The following LEPR variants were observed in gnomAD, a reference collection of about 807,000 sequenced individuals.
LEPR encodes leptin receptor.
Under a neutral mutation model 114.7 loss-of-function variants are expected in LEPR, and 56 were observed. That is an observed-to-expected ratio of 0.49 (90% CI 0.39 to 0.61). LEPR has a LOEUF of 0.61. Ranked by LOEUF, LEPR falls within the 20% of genes least tolerant of loss-of-function variation. The pLI is 0.00. For synonymous variants in LEPR, 443 were observed against 461.4 expected, an observed-to-expected ratio of 0.96 and a Z score of 0.51; for missense variants, 1,202 against 1,352.9, an observed-to-expected ratio of 0.89 and a Z score of 1.75.
chr1:65,424,816 C>T (rs945252196), intron 1 of LEPR, among the ~76,000 whole-genome samples: 1 of 152,084 alleles, frequency 6.6e-6, no homozygotes, highest in Non-Finnish European at 1.5e-5. Flanking sequence ...CTTATAAGGG[C>T]ACTCATCCCA....
intron 10 of LEPR, among the ~76,000 whole-genome samples, chr1:65,603,030 T>C (rs1656547633): frequency 6.6e-6 from 1 of 152,206 alleles, no homozygotes; most frequent in Admixed American, 6.5e-5. Flanking sequence ...TATTAACATT[T>C]ACAGAATAAC....
At chr1:65,574,772 A>G (rs528553174) in intron 5 of LEPR, among the ~76,000 whole-genome samples, 1 of 152,376 alleles carries the variant, frequency 6.6e-6, no homozygotes, top group African/African-American at 2.4e-5. Context: ...GTTAATAAAA[A>G]AATAATATTG....
intron 2 of LEPR, among the ~76,000 whole-genome samples, chr1:65,501,708 G>T (rs1251807689): frequency 6.6e-6 from 1 of 151,776 alleles, no homozygotes; most frequent in Non-Finnish European, 1.5e-5. Context: ...GATTTCTTAG[G>T]CTCCCTTCTC....
At chr1:65,512,731 G>A (rs139370916) in intron 2 of LEPR, among the ~76,000 whole-genome samples, 6 of 152,168 alleles carry the variant, frequency 3.9e-5, no homozygotes, top group Admixed American at 6.6e-5. Context: ...CTTCTGTCCC[G>A]TGTCCCTTGC....
rs756905053 is a variant in LEPR at position 65,518,913 on chromosome 1, CTT to C, written c.-20-46631_-20-46630del. On this transcript the variant is annotated intron_variant, in intron 2 of 19. Coordinates refer to ENST00000349533, the MANE Select transcript of LEPR (RefSeq NM_002303.6). ...TCTTTCTTTCTTTCTTTCTTTCTTT[CTT>C]TCTCTCTTTCTCTGTTTCTTTCTTT... Among the ~76,000 whole-genome samples, 6 of 79,654 alleles carry C rather than the reference CTT, an allele frequency of 7.5e-5. 1 individual carries two copies. The highest frequency in any genetic ancestry group is 2.4e-4 in the African/African-American group (6 of 25,080). 52.3% of individuals were successfully genotyped at this position (79,654 alleles called of 152,430 possible).
At chr1:65,460,972 T>A (rs998963323) in intron 2 of LEPR, among the ~76,000 whole-genome samples, 2 of 149,932 alleles carry the variant, frequency 1.3e-5, no homozygotes, top group Non-Finnish European at 3.0e-5. Flanking sequence ...TTTTCTTTTC[T>A]TTCTTTTCTT....
intron 8 of LEPR, among the ~76,000 whole-genome samples, chr1:65,599,551 G>A (rs887603109): frequency 2.6e-5 from 4 of 152,024 alleles, no homozygotes; most frequent in Non-Finnish European, 5.9e-5. Flanking sequence ...GCATTGATTC[G>A]TCAAAAGGCA....
At chr1:65,544,013 G>A (rs947083064) in intron 2 of LEPR, among the ~76,000 whole-genome samples, 1 of 151,996 alleles carries the variant, frequency 6.6e-6, no homozygotes, top group African/African-American at 2.4e-5. Context: ...AAAGTCAATG[G>A]TGGCTTGATG....
In LEPR at chr1:65,539,014, CTT is replaced by C. The variant is rs758508625; in HGVS notation, c.-20-26531_-20-26530del. 1.3e-4 allele frequency among the ~76,000 whole-genome samples: 19 copies of C among 143,978 alleles called. No individual in the cohort carries two copies. In the East Asian group the frequency reaches 3.7e-3, roughly 28 times the overall value. 94.5% of individuals were successfully genotyped at this position (143,978 alleles called of 152,430 possible). A position where few individuals can be genotyped will look rare whatever the true frequency, so the allele number is the denominator to read the frequency against. ...AGTACTGTTGGTTGGATTTGGGTCT[CTT>C]GGATTTATTTTTAAGTGACTTCTTT... is the stretch of plus-strand genomic sequence containing the variant. On this transcript the variant is annotated intron_variant, in intron 2 of 19. Coordinates refer to ENST00000349533, the MANE Select transcript of LEPR (RefSeq NM_002303.6).
At chr1:65,427,766 AT>A in intron 2 of LEPR, 1 of 404,486 alleles carries the variant, frequency 2.5e-6, no homozygotes, top group Non-Finnish European at 4.9e-6. Context: ...CTTTATTTTA[AT>A]TTTTTGTTTT....
At chr1:65,619,629 C>G (rs1189402246) in intron 16 of LEPR, among the ~76,000 whole-genome samples, 1 of 152,078 alleles carries the variant, frequency 6.6e-6, no homozygotes, top group Non-Finnish European at 1.5e-5. Flanking sequence ...AAAGAAAAAG[C>G]TCATACACCC....
chr1:65,496,716 T>A (rs1320383311), intron 2 of LEPR, among the ~76,000 whole-genome samples: 2 of 152,154 alleles, frequency 1.3e-5, no homozygotes, highest in Non-Finnish European at 2.9e-5. Flanking sequence ...TCTATCACAT[T>A]CCTGACAAAT....
At chr1:65,583,748 C>G (rs1311007904) in intron 5 of LEPR, among the ~76,000 whole-genome samples, 1 of 151,650 alleles carries the variant, frequency 6.6e-6, no homozygotes, top group Non-Finnish European at 1.5e-5. Context: ...AAAATGTGAC[C>G]CATAACCAAG....
rs115453925 is a variant in LEPR, at chr1:65,457,496, C to T, written c.-21+32118C>T. Among the ~76,000 whole-genome samples, 406 of 152,220 alleles carry T rather than the reference C, an allele frequency of 2.7e-3. 3 individuals carry two copies. The highest frequency in any genetic ancestry group is 4.4e-3 in the Non-Finnish European group (301 of 68,014). On this transcript the variant is annotated intron_variant, in intron 2 of 19. Transcript: ENST00000349533. ...TCACTCTACTAATAAGCCATCAAAG[C>T]CATTCTTCATGTCTATTACATGGTT...
intron 2 of LEPR, chr1:65,434,697 C>T (rs925667026): frequency 1.0e-6 from 1 of 985,264 alleles, no homozygotes; most frequent in Non-Finnish European, 1.2e-6. Context: ...TTAATTTTTC[C>T]ACTCATTTTC....
intron 2 of LEPR, among the ~76,000 whole-genome samples, chr1:65,509,544 GA>G (rs1648927411): frequency 6.6e-6 from 1 of 152,104 alleles, no homozygotes; most frequent in Non-Finnish European, 1.5e-5. Context: ...AGAACAGAAA[GA>G]AAAATTTTAC....
intron 16 of LEPR, 140 bp from the exon 17 acceptor site, chr1:65,619,788 G>A: frequency 1.4e-6 from 1 of 712,852 alleles, no homozygotes; most frequent in Non-Finnish European, 2.4e-6. Context: ...AAACTCCCTT[G>A]ATAATTTAAT....
At chr1:65,507,531 A>ATG (rs1376629119) in intron 2 of LEPR, among the ~76,000 whole-genome samples, 53 of 83,572 alleles carry the variant, frequency 6.3e-4, no homozygotes, top group South Asian at 2.3e-3. Flanking sequence ...GTGTATATAT[A>ATG]TGTGTGTATA....
At chr1:65,486,510 A>G (rs1398666086) in intron 2 of LEPR, 1 of 152,176 alleles carries the variant, frequency 6.6e-6, no homozygotes, top group African/African-American at 2.4e-5. Flanking sequence ...TAAGCAGGTA[A>G]ATTCATGATT....
Sources: gnomAD v4.1 joint callset for allele counts (sites outside exome capture counted in the v4.1 genomes callset) on GRCh38, gnomAD v4.1.1 for gene constraint, MANE v1.5 for transcripts, NCBI Gene and HGNC (gene_info 2026-07-23, HGNC 2026-07-21) for gene names.